NIM1K: variants seen among roughly 807,000 people sequenced by gnomAD.
NIM1K encodes serine/threonine-protein kinase NIM1.
Under a neutral mutation model 37.1 loss-of-function variants are expected in NIM1K, and 35 were observed. The observed-to-expected ratio is 0.94, with a 90% CI of 0.72 to 1.25. NIM1K has a LOEUF of 1.25. Among genes scored for constraint, NIM1K ranks in the 50% most tolerant of loss-of-function variants. The pLI, the probability that NIM1K is intolerant of heterozygous loss-of-function variation, is 0.00. For synonymous variants in NIM1K, 234 were observed against 206.6 expected (o/e 1.13, Z -1.14); for missense variants, 564 against 548.0 (o/e 1.03, Z -0.29).
intron 1 of NIM1K, among the ~76,000 whole-genome samples, chr5:43,226,300 C>G (rs1752455796): frequency 6.6e-6 from 1 of 152,168 alleles, no homozygotes; most frequent in African/African-American, 2.4e-5. Flanking sequence ...GAAACAAACC[C>G]TGTTAAAGGT....
At chr5:43,203,112 G>A (rs890299428) in intron 1 of NIM1K, among the ~76,000 whole-genome samples, 12 of 146,032 alleles carry the variant, frequency 8.2e-5, no homozygotes, top group Admixed American at 2.0e-4. Flanking sequence ...CCACCGCCCC[G>A]CCATAGCTCC....
rs562524422 is a variant in NIM1K at position 43,250,447 on chromosome 5, G to A, written c.292+4380G>A. Among the ~76,000 whole-genome samples the A allele has an allele frequency of 1.2e-4, 19 of 152,100 alleles. No individual in the cohort carries two copies. In the East Asian group the frequency reaches 2.5e-3, roughly 20 times the overall value. ...CTTTTCCATACTTCTTTGCATATAC[G>A]TATGATTTCTCTCAGCATACATTCC... On this transcript the variant is annotated intron_variant, in intron 2 of 3. Transcript: ENST00000326035.
intron 1 of NIM1K, among the ~76,000 whole-genome samples, chr5:43,197,815 G>A (rs1751940561): frequency 6.6e-6 from 1 of 152,120 alleles, no homozygotes; most frequent in Non-Finnish European, 1.5e-5. Context: ...TTAGCCTTTG[G>A]CCATTATATT....
chr5:43,262,110 A>G (rs1753040584), intron 2 of NIM1K, among the ~76,000 whole-genome samples: 1 of 152,180 alleles, frequency 6.6e-6, no homozygotes, highest in Non-Finnish European at 1.5e-5. Context: ...TTGGTTCCAT[A>G]TGAACTTTAA....
intron 1 of NIM1K, among the ~76,000 whole-genome samples, chr5:43,237,277 C>T (rs984476583): frequency 6.6e-6 from 1 of 152,178 alleles, no homozygotes; most frequent in Non-Finnish European, 1.5e-5. Flanking sequence ...GGTTATAAGT[C>T]AAGAAAATGA....
At chr5:43,257,530 G>C (rs1390414072) in intron 2 of NIM1K, among the ~76,000 whole-genome samples, 1 of 151,978 alleles carries the variant, frequency 6.6e-6, no homozygotes, top group East Asian at 1.9e-4. Flanking sequence ...ACCATGCCTG[G>C]CTAAAGAGAC....
intron 1 of NIM1K, among the ~76,000 whole-genome samples, chr5:43,217,660 C>A (rs1402095796): frequency 1.3e-5 from 2 of 150,478 alleles, no homozygotes; most frequent in African/African-American, 4.9e-5. Context: ...TGCTTATTGG[C>A]CATTTGTATA....
intron 2 of NIM1K, among the ~76,000 whole-genome samples, chr5:43,264,120 G>T (rs1417892767): frequency 6.6e-6 from 1 of 152,210 alleles, no homozygotes; most frequent in African/African-American, 2.4e-5. Context: ...CGAGAGTTCT[G>T]TAGACGTCTG....
chr5:43,208,839 A>C (rs1173595582), intron 1 of NIM1K, among the ~76,000 whole-genome samples: 1 of 152,216 alleles, frequency 6.6e-6, no homozygotes, highest in Non-Finnish European at 1.5e-5. Context: ...CTGGGTAAAC[A>C]CTGACCTTTT....
intron 1 of NIM1K, among the ~76,000 whole-genome samples, chr5:43,238,039 A>ATTTTTTT (rs71608701): frequency 3.3e-5 from 4 of 120,616 alleles, no homozygotes; most frequent in Non-Finnish European, 5.2e-5. Context: ...CTTCAATTTA[A>ATTTTTTT]TTTTTTTTTT....
In NIM1K at chr5:43,280,037, A is replaced by G; in HGVS notation, c.619A>G (p.Asn207Asp). 1 of 1,614,042 alleles carries G rather than the reference A, an allele frequency of 6.2e-7. No homozygotes were observed. The highest frequency in any genetic ancestry group is 1.6e-4 in the Middle Eastern group (1 of 6,062). The change falls in exon 4 of 4, where the codon AAT becomes GAT. Residue 207 changes from asparagine (N) to aspartate (D), a missense_variant. Physicochemically the swap from Asn to Asp is conservative, Grantham distance 23. Transcript: ENST00000326035. ...LKAENVFYTSNTCVKVGDFGF... is the reference protein window; with the variant it reads ...LKAENVFYTSDTCVKVGDFGF... Reference sequence around the variant, plus strand: ...AGCAGAAAATGTATTCTATACCAGTAATACTTGTGTGAAGGTGGGCGATTT... The same window carrying G: ...AGCAGAAAATGTATTCTATACCAGTGATACTTGTGTGAAGGTGGGCGATTT...
chr5:43,219,391 C>A (rs1047127014), intron 1 of NIM1K, among the ~76,000 whole-genome samples: 2 of 152,068 alleles, frequency 1.3e-5, no homozygotes, highest in Non-Finnish European at 2.9e-5. Context: ...GCATGAACCA[C>A]CACACCTGTC....
intron 1 of NIM1K, among the ~76,000 whole-genome samples, chr5:43,239,897 T>C (rs778442038): frequency 6.6e-6 from 1 of 152,084 alleles, no homozygotes; most frequent in Non-Finnish European, 1.5e-5. Flanking sequence ...CATTAAATTC[T>C]CCATGTTTCA....
intron 1 of NIM1K, among the ~76,000 whole-genome samples, chr5:43,218,803 C>T (rs1315871072): frequency 6.6e-6 from 1 of 150,842 alleles, no homozygotes; most frequent in Non-Finnish European, 1.5e-5. Context: ...GCAGCCTCAA[C>T]TTCTCAACTC....
chr5:43,264,552 T>C (rs1439756862), intron 2 of NIM1K, among the ~76,000 whole-genome samples: 2 of 152,222 alleles, frequency 1.3e-5, no homozygotes, highest in Admixed American at 1.3e-4. Flanking sequence ...TACAGCACAC[T>C]GATGCGTCTT....
intron 2 of NIM1K, among the ~76,000 whole-genome samples, chr5:43,271,356 A>G (rs1181709044): frequency 6.6e-6 from 1 of 151,944 alleles, no homozygotes; most frequent in Non-Finnish European, 1.5e-5. Context: ...AGAATGCCCA[A>G]GATGATTCAC....
chr5:43,218,982 G>T (rs115971576), intron 1 of NIM1K, among the ~76,000 whole-genome samples: 43 of 152,194 alleles, frequency 2.8e-4, no homozygotes, highest in Non-Finnish European at 4.7e-4. Context: ...CATGGGGAAG[G>T]TTTCCCCATC....
chr5:43,261,575 T>C (rs1753031255), intron 2 of NIM1K, among the ~76,000 whole-genome samples: 1 of 152,116 alleles, frequency 6.6e-6, no homozygotes, highest in Admixed American at 6.5e-5. Flanking sequence ...TTCATTCTGA[T>C]GGTAGTTTCT....
At chr5:43,237,264 G>A (rs1397105778) in intron 1 of NIM1K, among the ~76,000 whole-genome samples, 1 of 152,216 alleles carries the variant, frequency 6.6e-6, no homozygotes, top group Non-Finnish European at 1.5e-5. Flanking sequence ...TATTTTCACA[G>A]TGGGTTATAA....
Sources: allele counts gnomAD v4.1 joint callset (sites outside exome capture counted in the v4.1 genomes callset), GRCh38; gene constraint gnomAD v4.1.1; transcripts MANE v1.5; gene names NCBI Gene and HGNC (gene_info 2026-07-23, HGNC 2026-07-21).